The following FBXO30 variants were observed in gnomAD, a reference collection of about 807,000 sequenced individuals.
The protein encoded by FBXO30 is F-box only protein 30.
FBXO30 carries 21 observed loss-of-function variants against 58.1 expected under a neutral mutation model. The ratio of observed to expected loss-of-function variants is 0.36; its 90% CI spans 0.26 to 0.52. FBXO30 has a LOEUF of 0.52. Among genes scored for constraint, FBXO30 ranks in the 20% least tolerant of loss-of-function variants. FBXO30 has a pLI of 0.93. For synonymous variants in FBXO30, 309 were observed against 312.4 expected (o/e 0.99, Z 0.11); for missense variants, 744 against 897.3 (o/e 0.83, Z 2.18).
intron 1 of FBXO30, among the ~76,000 whole-genome samples, chr6:145,807,010 A>T (rs1173209570): frequency 6.6e-6 from 1 of 152,212 alleles, no homozygotes. Flanking sequence ...TCTTAATTAG[A>T]ACATACAAGG....
intron 1 of FBXO30, chr6:145,809,894 G>C (rs1158039065): frequency 6.6e-6 from 1 of 152,064 alleles, no homozygotes; most frequent in Non-Finnish European, 1.5e-5. Context: ...GACAATAACA[G>C]GTATGTTTAC....
rs750576313 is a variant in FBXO30, at chr6:145,805,190, C to T, written c.1216G>A (p.Val406Ile). The change falls in exon 2 of 3, where the codon GTA (valine) becomes ATA (isoleucine). Residue 406 changes from valine to isoleucine, a missense_variant. This residue lies in a region of FBXO30 where 334 missense variants were observed against 433.7 expected (regional missense o/e 0.77). Transcript: ENST00000237281. ...CWSKPKEDKA[V>I]DTSDLEVAED... ...GCAACTTCCAAATCTGATGTATCTA[C>T]TGCTTTATCTTCCTTTGGTTTAGAC... 9 of 1,614,080 alleles carry T rather than the reference C, an allele frequency of 5.6e-6. No homozygotes were observed. The highest frequency in any genetic ancestry group is 7.6e-6 in the Non-Finnish European group (9 of 1,179,960).
At chr6:145,806,657 T>C (rs941692021) in intron 1 of FBXO30, among the ~76,000 whole-genome samples, 1 of 152,224 alleles carries the variant, frequency 6.6e-6, no homozygotes, top group Non-Finnish European at 1.5e-5. Flanking sequence ...GGTTCATTTT[T>C]ATATACTATA....
At chr6:145,804,217 T>C (rs1400038842) in intron 2 of FBXO30, among the ~76,000 whole-genome samples, 155 bp downstream of exon 2, 1 of 152,192 alleles carries the variant, frequency 6.6e-6, no homozygotes. Flanking sequence ...TCCTAGTTCA[T>C]TATTAATTAC....
At chr6:145,807,612 A>G (rs1778214089) in intron 1 of FBXO30, among the ~76,000 whole-genome samples, 1 of 152,192 alleles carries the variant, frequency 6.6e-6, no homozygotes, top group Non-Finnish European at 1.5e-5. Context: ...AGTTCTATAA[A>G]ATAACATGAA....
chr6:145,806,505 TTATC>T, intron 1 of FBXO30, 84 bp from the exon 2 acceptor site: 1 of 971,344 alleles, frequency 1.0e-6, no homozygotes, highest in Non-Finnish European at 1.5e-6. Flanking sequence ...AATCACTAAT[TTATC>T]TAATATCTTG....
chr6:145,805,021 G>A lies in FBXO30; in HGVS notation c.1385C>T (p.Ser462Leu). ...TGTAGCTAATATTGCAGATGGAAGT[G>A]AAAAAGTCTGAGTCCCAACGTCAAT... ...YHIDVGTQTF[S>L]LPSAILATST... The change falls in exon 2 of 3, where the codon TCA (serine) becomes TTA (leucine). Residue 462 changes from serine to leucine, a missense_variant. Physicochemically the swap from Ser to Leu is moderately radical, Grantham distance 145 (BLOSUM62 -2). This residue lies in a region of FBXO30 where 334 missense variants were observed against 433.7 expected (regional missense o/e 0.77). Coordinates refer to ENST00000237281, the MANE Select transcript of FBXO30 (RefSeq NM_032145.5). 6.2e-7 allele frequency: 1 copy of A among 1,613,878 alleles called. No homozygotes were observed. The highest frequency in any genetic ancestry group is 8.5e-7 in the Non-Finnish European group (1 of 1,179,948).
chr6:145,812,028 G>C (rs963869709), intron 1 of FBXO30: 2 of 152,168 alleles, frequency 1.3e-5, no homozygotes, highest in South Asian at 2.1e-4. Flanking sequence ...GGTGGGGTTG[G>C]GGGGCGGTGG....
rs1487156966 is a variant in FBXO30, at chr6:145,797,636, C to T, written c.*2470G>A. On this transcript the variant is annotated 3_prime_UTR_variant, in exon 3 of 3. Transcript: ENST00000237281. ...AAGGACCACACTTTAGGAACCACTG[C>T]TGTAAGATCTGTGAGTCTCAAAATC... 1 of 151,884 alleles carries T rather than the reference C, an allele frequency of 6.6e-6. No individual in the cohort carries two copies. Among genetic ancestry groups the T allele is most frequent in the Non-Finnish European group, 1.5e-5 (1 of 67,944 alleles). The allele number at this position is 151,884 out of a possible 1,614,324, so 9.4% of individuals were successfully genotyped here.
chr6:145,801,866 G>T (rs1397743259), intron 2 of FBXO30, among the ~76,000 whole-genome samples: 2 of 152,068 alleles, frequency 1.3e-5, no homozygotes, highest in African/African-American at 4.8e-5. Context: ...AGATTCAATG[G>T]AGACAGGCAG....
rs1777896005 is a variant in FBXO30 at position 145,797,883 on chromosome 6, G to A, written c.*2223C>T. The A allele has an allele frequency of 6.6e-6, 1 of 152,006 alleles. No homozygotes were observed. The highest frequency in any genetic ancestry group is 2.1e-4 in the South Asian group (1 of 4,834). The allele number at this position is 152,006 out of a possible 1,614,324, so 9.4% of individuals were successfully genotyped here. A position where few individuals can be genotyped will look rare whatever the true frequency, so the allele number is the denominator to read the frequency against. ...AACATAAAAACCTTTTCATACTTAA[G>A]AGGAGAGAGAGATGGTTTCCATGAC... On this transcript the variant is annotated 3_prime_UTR_variant, in exon 3 of 3. Coordinates refer to ENST00000237281, the MANE Select transcript of FBXO30 (RefSeq NM_032145.5).
intron 1 of FBXO30, chr6:145,809,772 C>T (rs1778284117): frequency 6.6e-6 from 1 of 152,126 alleles, no homozygotes; most frequent in African/African-American, 2.4e-5. Flanking sequence ...TTATAACAAC[C>T]TGGAGGAAAC....
At position 145,805,901 on chromosome 6, in the gene FBXO30, T is replaced by C; in HGVS notation, c.505A>G (p.Asn169Asp). 1 of 1,614,048 alleles carries C rather than the reference T, an allele frequency of 6.2e-7. No individual in the cohort carries two copies. The highest frequency in any genetic ancestry group is 8.5e-7 in the Non-Finnish European group (1 of 1,179,980). ...TCTTCATCAACAGACACTAAACCAT[T>C]AGCATGTGGTATTTCTGGGACACTT... ...KSSVPEIPHA[N>D]GLVSVDEESY... The change falls in exon 2 of 3, where the codon AAT becomes GAT. Residue 169 changes from asparagine (N) to aspartate (D), a missense_variant. Transcript: ENST00000237281.
At chr6:145,807,793 T>C (rs973241414) in intron 1 of FBXO30, among the ~76,000 whole-genome samples, 6 of 152,170 alleles carry the variant, frequency 3.9e-5, no homozygotes, top group African/African-American at 1.4e-4. Flanking sequence ...ACTGGTGTGT[T>C]TCCTATTAGC....
intron 1 of FBXO30, chr6:145,809,797 A>G (rs947192303): frequency 2.6e-5 from 4 of 152,254 alleles, no homozygotes; most frequent in Non-Finnish European, 5.9e-5. Context: ...GTTCAGAAAG[A>G]GCAAGTGATC....
chr6:145,811,345 T>C (rs573043077), intron 1 of FBXO30, among the ~76,000 whole-genome samples: 30 of 152,328 alleles, frequency 2.0e-4, no homozygotes, highest in Middle Eastern at 3.4e-3. Context: ...AAAAAGTCAA[T>C]GGTGCTCAAA....
In FBXO30 at chr6:145,795,369, A is replaced by G. The variant is rs994025991; in HGVS notation, c.*4737T>C. ...ACTTTCAAATACACGAAGAACTATTAACCACCACAAGAACTAGCTACATAT... is the reference window on the plus strand; with the variant it reads ...ACTTTCAAATACACGAAGAACTATTGACCACCACAAGAACTAGCTACATAT... On this transcript the variant is annotated 3_prime_UTR_variant, in exon 3 of 3. Coordinates refer to ENST00000237281, the MANE Select transcript of FBXO30 (RefSeq NM_032145.5). 6.6e-6 allele frequency: 1 copy of G among 151,894 alleles called. No homozygotes were observed. The highest frequency in any genetic ancestry group is 1.5e-5 in the Non-Finnish European group (1 of 67,816). 9.4% of individuals were successfully genotyped at this position (151,894 alleles called of 1,614,324 possible). A position where few individuals can be genotyped will look rare whatever the true frequency, so the allele number is the denominator to read the frequency against.
Position 145,806,314 on chromosome 6 carries a change from A to G in FBXO30, c.92T>C (p.Ile31Thr), listed in dbSNP as rs371473740. The change falls in exon 2 of 3, where the codon ATT (isoleucine) becomes ACT (threonine). Residue 31 changes from isoleucine (I) to threonine (T), a missense_variant. Ile to Thr is a moderately conservative substitution (Grantham distance 89). This residue lies in a region of FBXO30 where 135 missense variants were observed against 201.6 expected (regional missense o/e 0.67). Coordinates refer to ENST00000237281, the MANE Select transcript of FBXO30 (RefSeq NM_032145.5). Reference protein sequence around the residue: ...RPEPGISCDLIGCPLVCGAVF... With the variant: ...RPEPGISCDLTGCPLVCGAVF... ...TGCACCACAAACCAATGGACAACCAATCAAATCACAGGAAATCCCTGGCTC... is the reference window on the plus strand; with the variant it reads ...TGCACCACAAACCAATGGACAACCAGTCAAATCACAGGAAATCCCTGGCTC... 7.4e-6 allele frequency: 12 copies of G among 1,613,912 alleles called. No individual in the cohort carries two copies. The highest frequency in any genetic ancestry group is 3.3e-5 in the Admixed American group (2 of 59,944).
rs1777850474 is a variant in FBXO30 at position 145,795,392 on chromosome 6, T to C, written c.*4714A>G. 6.6e-6 allele frequency: 1 copy of C among 151,906 alleles called. No homozygotes were observed. Among genetic ancestry groups the C allele is most frequent in the African/African-American group, 2.4e-5 (1 of 41,426 alleles). The allele number at this position is 151,906 out of a possible 1,614,324, so 9.4% of individuals were successfully genotyped here. ...TTAACCACCACAAGAACTAGCTACATATTGAAGAACCATTCCCTAGTATTT... is the reference window on the plus strand; with the variant it reads ...TTAACCACCACAAGAACTAGCTACACATTGAAGAACCATTCCCTAGTATTT... On this transcript the variant is annotated 3_prime_UTR_variant, in exon 3 of 3. Coordinates refer to ENST00000237281, the MANE Select transcript of FBXO30 (RefSeq NM_032145.5).
Sources: gnomAD v4.1 joint callset for allele counts (sites outside exome capture counted in the v4.1 genomes callset) on GRCh38, gnomAD v4.1.1 for gene constraint, gnomAD v4.1.1 regional missense constraint, MANE v1.5 for transcripts, NCBI Gene and HGNC (gene_info 2026-07-23, HGNC 2026-07-21) for gene names.